The following IGFL2 variants were observed in gnomAD, a reference collection of about 807,000 sequenced individuals.
IGFL2 encodes insulin growth factor-like family member 2.
In IGFL2, 7 loss-of-function variants were observed where a neutral mutation model predicts 13.9. The observed-to-expected ratio is 0.51, with a 90% CI of 0.29 to 0.95. The LOEUF (loss-of-function observed/expected upper bound fraction) is 0.95, where lower values mean the gene tolerates loss of function less well. Among genes scored for constraint, IGFL2 ranks in the 40% least tolerant of loss-of-function variants. The pLI, the probability that IGFL2 is intolerant of heterozygous loss-of-function variation, is 0.08. For missense variants in IGFL2, 138 were observed against 147.8 expected, an observed-to-expected ratio of 0.93 and a Z score of 0.34; for synonymous variants, 55 against 55.8, an observed-to-expected ratio of 0.99 and a Z score of 0.07.
the IGFL2 span, among the ~76,000 whole-genome samples, chr19:46,186,766 C>T: frequency 1.3e-5 from 2 of 152,286 alleles, no homozygotes; most frequent in East Asian, 3.9e-4. Flanking sequence ...TCTTTTCTAC[C>T]CTTCCCTAAA....
chr19:46,120,195 T>C, the IGFL2 span: 1 of 1,302,350 alleles, frequency 7.7e-7, no homozygotes, highest in Non-Finnish European at 1.0e-6. Context: ...GCTGGGCTCC[T>C]CTCCAAAGCT....
downstream of IGFL2, among the ~76,000 whole-genome samples, chr19:46,162,617 T>G (rs1342831860): frequency 1.3e-5 from 2 of 152,234 alleles, no homozygotes; most frequent in Non-Finnish European, 2.9e-5. Flanking sequence ...ATTGTGAAAT[T>G]CTTGTGTTGT....
At chr19:46,080,444 T>C in the IGFL2 span, among the ~76,000 whole-genome samples, 2 of 152,242 alleles carry the variant, frequency 1.3e-5, no homozygotes, top group Non-Finnish European at 2.9e-5. Flanking sequence ...AAACGACAGC[T>C]ACTTAGTAAT....
chr19:46,094,650 C>T, the IGFL2 span, among the ~76,000 whole-genome samples: 1 of 152,072 alleles, frequency 6.6e-6, no homozygotes, highest in Non-Finnish European at 1.5e-5. Flanking sequence ...GCCCTGCATG[C>T]GTTAGCTATT....
chr19:46,078,634 C>T, the IGFL2 span, among the ~76,000 whole-genome samples: 1 of 152,208 alleles, frequency 6.6e-6, no homozygotes, highest in Non-Finnish European at 1.5e-5. Flanking sequence ...AGTGTGGAGT[C>T]AAGGCTCACT....
At chr19:46,102,133 C>G in the IGFL2 span, among the ~76,000 whole-genome samples, 203 of 152,258 alleles carry the variant, frequency 1.3e-3, 7 homozygotes, top group East Asian at 0.035. Flanking sequence ...CCCTTTGAAC[C>G]CCCTCCAGTG....
the IGFL2 span, among the ~76,000 whole-genome samples, chr19:46,120,967 T>C: frequency 6.6e-6 from 1 of 150,788 alleles, no homozygotes; most frequent in Non-Finnish European, 1.5e-5. Flanking sequence ...AAAAATAAAC[T>C]TAAGAAGCCT....
chr19:46,114,655 A>G, the IGFL2 span, among the ~76,000 whole-genome samples: 1 of 152,138 alleles, frequency 6.6e-6, no homozygotes, highest in Non-Finnish European at 1.5e-5. Context: ...CTGATGGTTA[A>G]AAAGTGTGGC....
the IGFL2 span, among the ~76,000 whole-genome samples, chr19:46,081,887 C>T: frequency 2.0e-5 from 3 of 152,216 alleles, no homozygotes; most frequent in South Asian, 2.1e-4. Context: ...CTTGTGCTAC[C>T]TGTTGTCTGG....
At chr19:46,185,143 A>T in the IGFL2 span, among the ~76,000 whole-genome samples, 15 of 151,906 alleles carry the variant, frequency 9.9e-5, 1 homozygote, top group South Asian at 2.9e-3. Context: ...TAGATTCTGG[A>T]TATTAGCTCT....
the IGFL2 span, among the ~76,000 whole-genome samples, chr19:46,193,347 C>T: frequency 4.0e-3 from 605 of 152,250 alleles, 2 homozygotes; most frequent in African/African-American, 0.014. Context: ...TAGATGCTAC[C>T]GGCTCAGTAG....
upstream of IGFL2, among the ~76,000 whole-genome samples, chr19:46,146,337 A>G (rs541469248): frequency 1.3e-5 from 2 of 152,192 alleles, no homozygotes; most frequent in Non-Finnish European, 2.9e-5. Flanking sequence ...CCATTTGCCA[A>G]TACTACACTG....
At chr19:46,148,919 A>G in intron 1 of IGFL2, 1 of 1,554,088 alleles carries the variant, frequency 6.4e-7, no homozygotes. Context: ...CTGCCCTCGA[A>G]CCAGACCCAG....
At chr19:46,106,314 G>C in the IGFL2 span, among the ~76,000 whole-genome samples, 28 of 152,308 alleles carry the variant, frequency 1.8e-4, no homozygotes, top group East Asian at 5.2e-3. Flanking sequence ...GGGCTATAAA[G>C]GAGAAGGTTG....
chr19:46,192,529 C>G, the IGFL2 span, among the ~76,000 whole-genome samples: 1 of 151,592 alleles, frequency 6.6e-6, no homozygotes, highest in Non-Finnish European at 1.5e-5. Context: ...AAGCAATTCT[C>G]CTGCCTCAGC....
chr19:46,170,101 T>C, the IGFL2 span, among the ~76,000 whole-genome samples: 1 of 151,652 alleles, frequency 6.6e-6, no homozygotes, highest in African/African-American at 2.4e-5. Flanking sequence ...ATGGGAGATA[T>C]GAAAAATAAA....
the IGFL2 span, among the ~76,000 whole-genome samples, chr19:46,130,936 A>G: frequency 6.6e-6 from 1 of 152,144 alleles, no homozygotes; most frequent in Non-Finnish European, 1.5e-5. Context: ...ATTTTTATGC[A>G]GCAGTGTCTT....
downstream of IGFL2, chr19:46,164,519 G>A (rs568901372): frequency 3.3e-4 from 50 of 152,390 alleles, no homozygotes; most frequent in African/African-American, 1.1e-3. Flanking sequence ...AGGGGTGGCT[G>A]GAGGCCCCAG....
At chr19:46,192,246 A>G in the IGFL2 span, among the ~76,000 whole-genome samples, 2 of 152,112 alleles carry the variant, frequency 1.3e-5, no homozygotes, top group Non-Finnish European at 2.9e-5. Flanking sequence ...TTATGAAGCC[A>G]CTCTGTGTTT....
Sources: gnomAD v4.1 joint callset for allele counts (sites outside exome capture counted in the v4.1 genomes callset) on GRCh38, gnomAD v4.1.1 for gene constraint, MANE v1.5 for transcripts, NCBI Gene and HGNC (gene_info 2026-07-23, HGNC 2026-07-21) for gene names.